Variants in SLC44A5 observed in about 807,000 individuals in gnomAD.
SLC44A5 encodes the protein solute carrier family 44 member 5.
SLC44A5 carries 57 observed loss-of-function variants against 101.8 expected under a neutral mutation model. The observed-to-expected ratio is 0.56, with a 90% confidence interval of 0.45 to 0.70. The LOEUF is 0.70. SLC44A5 is among the 30% of genes least tolerant of loss of function. SLC44A5 has a pLI of 0.00. For synonymous variants in SLC44A5, 281 were observed against 290.9 expected (o/e 0.97, Z 0.35); for missense variants, 737 against 853.1 (o/e 0.86, Z 1.70).
chr1:75,283,040 T>C (rs990512795), intron 5 of SLC44A5, among the ~76,000 whole-genome samples: 2 of 152,198 alleles, frequency 1.3e-5, no homozygotes, highest in African/African-American at 2.4e-5. Context: ...GACTGCTGGA[T>C]CAAATGGCAG....
rs184363587 is a variant in SLC44A5, at chr1:75,485,239, A to C, written c.13+56196T>G. ...TACTTCCCTTTTAAACATAAGCTCT[A>C]ATTTCAGACAATCTCTTTGTGAACA... On this transcript the variant is annotated intron_variant, in intron 2 of 23. Transcript: ENST00000370859. Among the ~76,000 whole-genome samples the C allele has an allele frequency of 3.9e-4, 60 of 152,330 alleles. 1 individual carries two copies. The highest frequency in any genetic ancestry group is 1.4e-3 in the African/African-American group (60 of 41,574).
At chr1:75,488,935 G>GCCTCC (rs1178306527) in intron 2 of SLC44A5, among the ~76,000 whole-genome samples, 7 of 152,118 alleles carry the variant, frequency 4.6e-5, no homozygotes, top group African/African-American at 1.4e-4. Flanking sequence ...TGCAAACTCT[G>GCCTCC]CCTCCCAGGT....
intron 3 of SLC44A5, among the ~76,000 whole-genome samples, chr1:75,383,262 G>A (rs913102762): frequency 8.0e-6 from 1 of 125,368 alleles, no homozygotes; most frequent in African/African-American, 3.1e-5. Context: ...CCCCCTCTTC[G>A]AGAAACACCC....
chr1:75,692,486 C>T, the SLC44A5 span, among the ~76,000 whole-genome samples: 1 of 152,126 alleles, frequency 6.6e-6, no homozygotes, highest in East Asian at 1.9e-4. Flanking sequence ...TGAGCCACCG[C>T]AGCCGGCCCG....
At chr1:75,346,771 A>G (rs1240156512) in intron 3 of SLC44A5, among the ~76,000 whole-genome samples, 1 of 151,830 alleles carries the variant, frequency 6.6e-6, no homozygotes, top group Non-Finnish European at 1.5e-5. Flanking sequence ...GAATCACTCA[A>G]AAAAAAAGAC....
chr1:75,352,344 C>T (rs1381508018), intron 3 of SLC44A5, among the ~76,000 whole-genome samples: 2 of 152,022 alleles, frequency 1.3e-5, no homozygotes, highest in Admixed American at 6.6e-5. Flanking sequence ...TTTCTCCTGA[C>T]ATTCTCCCCC....
intron 2 of SLC44A5, among the ~76,000 whole-genome samples, chr1:75,452,609 T>C (rs1665967618): frequency 6.6e-6 from 1 of 152,134 alleles, no homozygotes; most frequent in African/African-American, 2.4e-5. Flanking sequence ...GAGTGGCAAG[T>C]TGAATAAGTA....
rs566977059 is a variant in SLC44A5 at position 75,295,425 on chromosome 1, A to G, written c.175+5187T>C. ...AAGAGAAGGAAGAGATAAGACCTCAAACTTTTCTCCCTGAGATTTTAATTT... is the reference window on the plus strand; with the variant it reads ...AAGAGAAGGAAGAGATAAGACCTCAGACTTTTCTCCCTGAGATTTTAATTT... On this transcript the variant is annotated intron_variant, in intron 5 of 23. Transcript: ENST00000370859. 7.2e-5 allele frequency among the ~76,000 whole-genome samples: 11 copies of G among 152,332 alleles called. No homozygotes were observed. In the South Asian group the frequency reaches 2.3e-3, roughly 32 times the overall value.
At chr1:75,595,167 G>A (rs1414674500) in intron 1 of SLC44A5, among the ~76,000 whole-genome samples, 2 of 151,900 alleles carry the variant, frequency 1.3e-5, no homozygotes, top group African/African-American at 4.8e-5. Flanking sequence ...TAATTCTAGA[G>A]TAACAAGTTT....
chr1:75,251,370 T>C, intron 6 of SLC44A5, 76 bp from the exon 7 acceptor site: 2 of 1,206,236 alleles, frequency 1.7e-6, no homozygotes, highest in East Asian at 2.4e-5. Context: ...GAACACTTTT[T>C]ATAAATAACC....
intron 1 of SLC44A5, among the ~76,000 whole-genome samples, chr1:75,560,468 G>A (rs1485908323): frequency 6.6e-6 from 1 of 152,108 alleles, no homozygotes; most frequent in South Asian, 2.1e-4. Context: ...TGAGTTTTGG[G>A]TTTCTTTTAG....
intron 2 of SLC44A5, among the ~76,000 whole-genome samples, chr1:75,538,370 A>C (rs934421923): frequency 2.6e-5 from 4 of 152,208 alleles, no homozygotes; most frequent in African/African-American, 9.6e-5. Flanking sequence ...ACACAGATAT[A>C]GATATGATAT....
chr1:75,384,899 A>G (rs1300326727), intron 3 of SLC44A5, among the ~76,000 whole-genome samples: 1 of 151,272 alleles, frequency 6.6e-6, no homozygotes, highest in African/African-American at 2.4e-5. Flanking sequence ...CAGGATTAAG[A>G]ATCTCACTCA....
At chr1:75,478,602 C>T (rs1031048848) in intron 2 of SLC44A5, among the ~76,000 whole-genome samples, 9 of 151,928 alleles carry the variant, frequency 5.9e-5, no homozygotes, top group African/African-American at 2.2e-4. Flanking sequence ...GGTTGCAATC[C>T]TAGTCTCTGA....
At chr1:75,543,310 C>T (rs1392596173) in intron 1 of SLC44A5, among the ~76,000 whole-genome samples, 2 of 151,984 alleles carry the variant, frequency 1.3e-5, no homozygotes, top group African/African-American at 2.4e-5. Context: ...ACCTCTGCTC[C>T]CTTTGCCTGG....
intron 13 of SLC44A5, among the ~76,000 whole-genome samples, chr1:75,223,095 CAA>C (rs1647123253): frequency 2.6e-5 from 4 of 152,162 alleles, no homozygotes; most frequent in African/African-American, 9.7e-5. Flanking sequence ...CAAACTGCGT[CAA>C]AACCATCTTT....
intron 1 of SLC44A5, among the ~76,000 whole-genome samples, chr1:75,567,505 A>C (rs2102025910): frequency 6.6e-6 from 1 of 152,336 alleles, no homozygotes; most frequent in South Asian, 2.1e-4. Flanking sequence ...CAAAGCCATA[A>C]AAAGCAAAAT....
chr1:75,438,204 T>G (rs1366433597), intron 2 of SLC44A5, among the ~76,000 whole-genome samples: 1 of 152,112 alleles, frequency 6.6e-6, no homozygotes, highest in African/African-American at 2.4e-5. Flanking sequence ...TGAAGGCTAG[T>G]CATTGGATTC....
intron 2 of SLC44A5, among the ~76,000 whole-genome samples, chr1:75,492,002 G>T (rs944102306): frequency 6.6e-6 from 1 of 152,100 alleles, no homozygotes; most frequent in Admixed American, 6.6e-5. Flanking sequence ...TGACTTCAAG[G>T]TGTTAAAAAG....
Sources: gnomAD v4.1 joint callset for allele counts (sites outside exome capture counted in the v4.1 genomes callset) on GRCh38, gnomAD v4.1.1 for gene constraint, MANE v1.5 for transcripts, NCBI Gene and HGNC (gene_info 2026-07-23, HGNC 2026-07-21) for gene names.